Variants in AFAP1L2 observed in about 807,000 individuals in gnomAD.
AFAP1L2 encodes actin filament-associated protein 1-like 2.
In AFAP1L2, 46 loss-of-function variants were observed where a neutral mutation model predicts 99.3. The ratio of observed to expected loss-of-function variants is 0.46; its 90% CI spans 0.37 to 0.59. AFAP1L2 has a LOEUF of 0.59. Ranked by LOEUF, AFAP1L2 falls within the 20% of genes least tolerant of loss-of-function variation. The pLI is 0.00. For missense variants in AFAP1L2, 959 were observed against 1,034.9 expected (o/e 0.93, Z 1.01); for synonymous variants, 397 against 419.1 (o/e 0.95, Z 0.64).
At chr10:114,379,222 A>G (rs1330653520) in intron 1 of AFAP1L2, among the ~76,000 whole-genome samples, 1 of 152,012 alleles carries the variant, frequency 6.6e-6, no homozygotes, top group Non-Finnish European at 1.5e-5. Flanking sequence ...CAAAAAAAAA[A>G]AAAAGGAATA....
rs568484794 is a variant in AFAP1L2, at chr10:114,296,815, T to C, written c.2430+163A>G. The C allele has an allele frequency of 5.6e-5, 68 of 1,208,536 alleles. No homozygotes were observed. The South Asian group carries it at 8.3e-4, about 15-fold the overall frequency. 74.9% of individuals were successfully genotyped at this position (1,208,536 alleles called of 1,614,324 possible). A position where few individuals can be genotyped will look rare whatever the true frequency, so the allele number is the denominator to read the frequency against. The stretch of plus-strand genomic sequence containing the variant: ...TTTCTGGTTGGTCAGTGCCAGAGAC[T>C]GAGCTGAAGGCATGGCAAAGCCATG... On this transcript the variant is annotated intron_variant, in intron 18 of 18. Transcript: ENST00000304129.
At chr10:114,370,666 GT>G (rs1218870887) in intron 1 of AFAP1L2, among the ~76,000 whole-genome samples, 1 of 152,236 alleles carries the variant, frequency 6.6e-6, no homozygotes, top group Non-Finnish European at 1.5e-5. Flanking sequence ...CTGTAAGACT[GT>G]TTTGGGGCCT....
intron 2 of AFAP1L2, among the ~76,000 whole-genome samples, chr10:114,333,766 G>A (rs1317763603): frequency 2.0e-5 from 3 of 152,056 alleles, no homozygotes; most frequent in African/African-American, 7.3e-5. Context: ...AGCTGAGATC[G>A]CACCACTGCA....
In AFAP1L2 at chr10:114,307,814, CGAG is replaced by C. The variant is rs751087265; in HGVS notation, c.1060_1062del (p.Leu354del). 1.4e-5 allele frequency: 23 copies of C among 1,613,764 alleles called. No individual in the cohort carries two copies. The highest frequency in any genetic ancestry group is 5.0e-5 in the Admixed American group (3 of 59,988). On this transcript the variant is annotated inframe_deletion, in exon 10 of 19. Transcript: ENST00000304129. ...TAGCTACAATTCTTACTGGATGTCT[CGAG>C]GGACCTCTCCACAGGCTCCAGTGAG...
intron 18 of AFAP1L2, chr10:114,296,349 G>A (rs564131931): frequency 2.2e-6 from 1 of 461,834 alleles, no homozygotes; most frequent in Admixed American, 3.7e-5. Flanking sequence ...AGCCATTGTT[G>A]TGGGACCTCC....
chr10:114,333,097 A>C lies in AFAP1L2; in HGVS notation c.220+124T>G, dbSNP rs1003331328. 3.4e-6 allele frequency: 3 copies of C among 894,130 alleles called. No homozygotes were observed. The African/African-American group carries it at 5.1e-5, about 15-fold the overall frequency. 55.4% of individuals were successfully genotyped at this position (894,130 alleles called of 1,614,324 possible). A position where few individuals can be genotyped will look rare whatever the true frequency, so the allele number is the denominator to read the frequency against. On this transcript the variant is annotated intron_variant, in intron 3 of 18. Transcript: ENST00000304129. The stretch of plus-strand genomic sequence containing the variant: ...ACCAACAAAAATGTGGCTTCCAAAA[A>C]TAACTCCGCCAGGCGGGTCTGTGTG...
At chr10:114,361,366 T>A (rs953320488) in intron 1 of AFAP1L2, among the ~76,000 whole-genome samples, 4 of 152,150 alleles carry the variant, frequency 2.6e-5, no homozygotes, top group Non-Finnish European at 5.9e-5. Context: ...AGGTGTGGAA[T>A]TCAGTAGCAT....
rs377764552 is a variant in AFAP1L2 at position 114,359,057 on chromosome 10, A to G, written c.17-18326T>C. 2.5e-4 allele frequency among the ~76,000 whole-genome samples: 38 copies of G among 152,348 alleles called. No homozygotes were observed. The South Asian group carries it at 7.7e-3, about 31-fold the overall frequency. Reference sequence around the variant, plus strand: ...ATTAGTACAAGTTGTCAGTGATCAAATCATATCCTCTGAGAACAAACAGTA... The same window carrying G: ...ATTAGTACAAGTTGTCAGTGATCAAGTCATATCCTCTGAGAACAAACAGTA... On this transcript the variant is annotated intron_variant, in intron 1 of 18. Transcript: ENST00000304129.
chr10:114,284,637 T>C, the AFAP1L2 span, among the ~76,000 whole-genome samples: 2 of 152,210 alleles, frequency 1.3e-5, no homozygotes, highest in African/African-American at 4.8e-5. Flanking sequence ...CACAGGGCCT[T>C]ACCAAGCCTG....
intron 4 of AFAP1L2, among the ~76,000 whole-genome samples, chr10:114,328,909 G>A (rs913495639): frequency 3.3e-5 from 5 of 152,232 alleles, no homozygotes; most frequent in Non-Finnish European, 7.3e-5. Flanking sequence ...AGAGGTGGGT[G>A]CCTTGCACAA....
chr10:114,299,065 C>G (rs1327211042), intron 16 of AFAP1L2, among the ~76,000 whole-genome samples, 195 bp downstream of exon 16: 1 of 152,242 alleles, frequency 6.6e-6, no homozygotes, highest in African/African-American at 2.4e-5. Flanking sequence ...GGCTTTCTCT[C>G]TCTGTCCAGG....
chr10:114,345,274 GTGGATTGGGGGTGA>G (rs1173778383), intron 1 of AFAP1L2, among the ~76,000 whole-genome samples: 4 of 152,078 alleles, frequency 2.6e-5, no homozygotes, highest in African/African-American at 9.7e-5. Context: ...GGCCAGAACT[GTGGATTGGGGGTGA>G]TGCAGATGAA....
At chr10:114,375,469 TATA>T (rs1473284483) in intron 1 of AFAP1L2, among the ~76,000 whole-genome samples, 2 of 152,216 alleles carry the variant, frequency 1.3e-5, no homozygotes, top group African/African-American at 4.8e-5. Flanking sequence ...AAATTCAAAA[TATA>T]ATAATAATAC....
chr10:114,369,248 G>A (rs1256310326), intron 1 of AFAP1L2, among the ~76,000 whole-genome samples: 40 of 152,144 alleles, frequency 2.6e-4, no homozygotes, highest in Admixed American at 2.6e-3. Flanking sequence ...ATTGAAGCCA[G>A]GAGTTCAAGA....
At chr10:114,374,238 C>G (rs936047096) in intron 1 of AFAP1L2, among the ~76,000 whole-genome samples, 1 of 152,144 alleles carries the variant, frequency 6.6e-6, no homozygotes, top group African/African-American at 2.4e-5. Flanking sequence ...GCTAAAATTA[C>G]AGATTTGAAA....
At chr10:114,401,939 C>T (rs1190622648) in intron 1 of AFAP1L2, among the ~76,000 whole-genome samples, 5 of 152,332 alleles carry the variant, frequency 3.3e-5, no homozygotes, top group South Asian at 2.1e-4. Flanking sequence ...CATTTTGAGA[C>T]TCTGAAGACA....
At chr10:114,302,798 A>G (rs2041448750) in intron 11 of AFAP1L2, among the ~76,000 whole-genome samples, 1 of 152,220 alleles carries the variant, frequency 6.6e-6, no homozygotes, top group Non-Finnish European at 1.5e-5. Flanking sequence ...TCACTATTAA[A>G]AACTGTTAGT....
intron 1 of AFAP1L2, among the ~76,000 whole-genome samples, chr10:114,386,612 A>G (rs2056535250): frequency 6.6e-6 from 1 of 152,126 alleles, no homozygotes; most frequent in Admixed American, 6.6e-5. Flanking sequence ...ATGTGTCCCA[A>G]GCAGCCCTGC....
intron 1 of AFAP1L2, among the ~76,000 whole-genome samples, chr10:114,399,645 A>G (rs1054994088): frequency 1.3e-5 from 2 of 152,316 alleles, no homozygotes; most frequent in South Asian, 2.1e-4. Context: ...TCTGGGCTCG[A>G]TGAACAATCT....
Sources: gnomAD v4.1 joint callset for allele counts (sites outside exome capture counted in the v4.1 genomes callset) on GRCh38, gnomAD v4.1.1 for gene constraint, MANE v1.5 for transcripts, NCBI Gene and HGNC (gene_info 2026-07-23, HGNC 2026-07-21) for gene names.